The following RFFL variants were observed in gnomAD, a reference collection of about 807,000 sequenced individuals.
RFFL encodes the protein E3 ubiquitin-protein ligase rififylin.
Under a neutral mutation model 40.4 loss-of-function variants are expected in RFFL, and 16 were observed. The observed-to-expected ratio is 0.40, with a 90% CI of 0.27 to 0.60. The LOEUF (loss-of-function observed/expected upper bound fraction) is 0.60. RFFL is among the 20% of genes least tolerant of loss of function. The pLI is 0.47. For missense variants in RFFL, 367 were observed against 451.7 expected (o/e 0.81, Z 1.70); for synonymous variants, 154 against 167.9 (o/e 0.92, Z 0.64).
intron 1 of RFFL, among the ~76,000 whole-genome samples, chr17:35,055,252 G>GTGAT (rs2091254021): frequency 6.6e-6 from 1 of 152,052 alleles, no homozygotes; most frequent in Non-Finnish European, 1.5e-5. Flanking sequence ...GGATAAATGT[G>GTGAT]TGATTCTTTC....
At chr17:35,081,450 C>A (rs1418239681) in intron 1 of RFFL, among the ~76,000 whole-genome samples, 1 of 152,162 alleles carries the variant, frequency 6.6e-6, no homozygotes, top group African/African-American at 2.4e-5. Context: ...ATTGTTCATT[C>A]TCTAGTCTTT....
chr17:35,058,476 C>T (rs2091272893), intron 1 of RFFL, among the ~76,000 whole-genome samples: 1 of 152,086 alleles, frequency 6.6e-6, no homozygotes, highest in Non-Finnish European at 1.5e-5. Context: ...TAAATTGTAT[C>T]TAAAATTGGT....
intron 6 of RFFL, 68 bp from the exon 7 acceptor site, chr17:35,012,217 G>GC: frequency 2.9e-6 from 4 of 1,389,078 alleles, no homozygotes; most frequent in Non-Finnish European, 4.0e-6. Flanking sequence ...GTGTATAGGG[G>GC]TGACTGGGGG....
chr17:35,013,849 G>A (rs932448665), intron 6 of RFFL, among the ~76,000 whole-genome samples: 1 of 152,186 alleles, frequency 6.6e-6, no homozygotes, highest in East Asian at 1.9e-4. Flanking sequence ...GATGCTGGGG[G>A]GTTGGAGGGT....
At chr17:35,056,551 A>G (rs1256984957) in intron 1 of RFFL, among the ~76,000 whole-genome samples, 1 of 151,484 alleles carries the variant, frequency 6.6e-6, no homozygotes, top group Non-Finnish European at 1.5e-5. Context: ...CTAATTTTGT[A>G]TTTTTAGTAG....
chr17:35,044,443 C>T (rs958716201), intron 1 of RFFL, among the ~76,000 whole-genome samples: 2 of 152,144 alleles, frequency 1.3e-5, no homozygotes, highest in Non-Finnish European at 2.9e-5. Flanking sequence ...CCAGTGAAAC[C>T]TTGTCTCTAC....
Position 35,084,572 on chromosome 17 carries a change from T to A in RFFL, c.-9+4533A>T, listed in dbSNP as rs568593286. The stretch of plus-strand genomic sequence containing the variant: ...TCACCTCACTGCACTCCAGCCTGGA[T>A]GACAGAGCTGAGACTGTCTCAAAAA... On this transcript the variant is annotated intron_variant, in intron 1 of 6. Coordinates refer to the RFFL transcript ENST00000315249. Among the ~76,000 whole-genome samples, 13 of 152,048 alleles carry A rather than the reference T, an allele frequency of 8.5e-5. No individual in the cohort carries two copies. In the South Asian group the frequency reaches 2.5e-3, roughly 29 times the overall value.
At chr17:35,064,226 C>T (rs1442553018), upstream of RFFL, among the ~76,000 whole-genome samples, 2 of 152,108 alleles carry the variant, frequency 1.3e-5, no homozygotes, top group Non-Finnish European at 1.5e-5. Context: ...CCCACTAGGC[C>T]TCCTCTGACC....
chr17:35,079,916 CAT>C (rs1236059774), intron 1 of RFFL, among the ~76,000 whole-genome samples: 1 of 152,146 alleles, frequency 6.6e-6, no homozygotes, highest in East Asian at 1.9e-4. Flanking sequence ...AGTAGACAAA[CAT>C]AAGAGAATCT....
chr17:35,068,199 C>T (rs2091330294), upstream of RFFL, among the ~76,000 whole-genome samples: 1 of 152,210 alleles, frequency 6.6e-6, no homozygotes, highest in African/African-American at 2.4e-5. Flanking sequence ...CTTTTGACTT[C>T]CTGATGAGCC....
At chr17:35,012,208 T>G (rs1597809839) in intron 6 of RFFL, 59 bp from the exon 7 acceptor site, 2 of 1,465,826 alleles carry the variant, frequency 1.4e-6, no homozygotes, top group African/African-American at 2.8e-5. Context: ...ATGTCTTAAG[T>G]GTATAGGGGT....
intron 1 of RFFL, chr17:35,069,345 T>C (rs564143030): frequency 2.2e-6 from 1 of 456,650 alleles, no homozygotes; most frequent in African/African-American, 2.0e-5. Context: ...GTGTTTCATC[T>C]TGAAGGGTGA....
chr17:35,019,681 T>A (rs1329707842), intron 3 of RFFL, among the ~76,000 whole-genome samples: 1 of 152,012 alleles, frequency 6.6e-6, no homozygotes, highest in African/African-American at 2.4e-5. Context: ...GCCAAGGTTC[T>A]TTACAGAAAA....
chr17:35,081,656 G>A (rs1442147416), intron 1 of RFFL, among the ~76,000 whole-genome samples: 1 of 152,038 alleles, frequency 6.6e-6, no homozygotes, highest in African/African-American at 2.4e-5. Flanking sequence ...CAGGAAAGTT[G>A]AATAAGACAT....
At position 35,021,553 on chromosome 17, in the gene RFFL, GCT is replaced by G; in HGVS notation, c.407_408del (p.Gln136ProfsTer21). On this transcript the variant is annotated frameshift_variant, in exon 3 of 7. Transcript: ENST00000394597. LOFTEE classifies it high-confidence loss of function. Reference protein sequence around the residue: ...KEELVLLVLGQQPVISQEDRT... With the variant: ...KEELVLLVLGXQPVISQEDRT... The stretch of plus-strand genomic sequence containing the variant: ...CTGTCCTCCTGGGAGATTACAGGCT[GCT>G]GGCCAAGGACCAAGAGCACCAGCTC... 2 of 1,614,092 alleles carry G rather than the reference GCT, an allele frequency of 1.2e-6. No individual in the cohort carries two copies. The highest frequency in any genetic ancestry group is 1.7e-6 in the Non-Finnish European group (2 of 1,179,966).
intron 1 of RFFL, among the ~76,000 whole-genome samples, chr17:35,034,489 G>GA (rs1473833912): frequency 6.6e-6 from 1 of 151,114 alleles, no homozygotes; most frequent in Non-Finnish European, 1.5e-5. Flanking sequence ...CAATCAGTAG[G>GA]AAAAACTGGA....
chr17:35,035,395 C>T (rs1318602346), intron 1 of RFFL, among the ~76,000 whole-genome samples: 9 of 147,746 alleles, frequency 6.1e-5, no homozygotes, highest in Admixed American at 3.4e-4. Context: ...GGCAACAGAG[C>T]GAGACTCCAT....
At chr17:35,067,565 C>T (rs1019704708), upstream of RFFL, among the ~76,000 whole-genome samples, 1 of 149,876 alleles carries the variant, frequency 6.7e-6, no homozygotes, top group African/African-American at 2.5e-5. Flanking sequence ...TCAAGCGATT[C>T]TCCTGCCTCA....
intron 1 of RFFL, among the ~76,000 whole-genome samples, chr17:35,062,490 C>CTA (rs2091297853): frequency 6.6e-6 from 1 of 152,272 alleles, no homozygotes; most frequent in East Asian, 1.9e-4. Context: ...TGAGAACCTA[C>CTA]TATGTGCAAC....
Sources: gnomAD v4.1 joint callset for allele counts (sites outside exome capture counted in the v4.1 genomes callset) on GRCh38, gnomAD v4.1.1 for gene constraint, MANE v1.5 for transcripts, NCBI Gene and HGNC (gene_info 2026-07-23, HGNC 2026-07-21) for gene names.